Variants in SEC31A observed in about 807,000 individuals in gnomAD.
SEC31A encodes the protein SEC31 homolog A, COPII component.
In SEC31A, 70 loss-of-function variants were observed where a neutral mutation model predicts 151.0. The observed-to-expected ratio is 0.46, with a 90% CI of 0.38 to 0.57. The LOEUF is 0.57. Ranked by LOEUF, SEC31A falls within the 20% of genes least tolerant of loss-of-function variation. The pLI is 0.00. For missense variants in SEC31A, 1,330 were observed against 1,471.2 expected (o/e 0.90, Z 1.57); for synonymous variants, 475 against 505.9 (o/e 0.94, Z 0.82).
intron 22 of SEC31A, among the ~76,000 whole-genome samples, chr4:82,841,742 CG>C (rs2149233479): frequency 6.6e-6 from 1 of 151,728 alleles, no homozygotes; most frequent in East Asian, 1.9e-4. Flanking sequence ...GAGGCCGAAG[CG>C]GGTGGATCAC....
Position 82,846,398 on chromosome 4 carries a change from T to TAATAATA in SEC31A, c.2503-1896_2503-1890dup, listed in dbSNP as rs1730224520. Among the ~76,000 whole-genome samples the TAATAATA allele has an allele frequency of 4.0e-5, 6 of 148,538 alleles. No individual in the cohort carries two copies. In the Admixed American group the frequency reaches 4.0e-4, roughly 10 times the overall value. On this transcript the variant is annotated intron_variant, in intron 20 of 26. Transcript: ENST00000395310. ...ATAATAATAATAATAATAATAATAA[T>TAATAATA]AATAATACAATTGACTCTTGAATAA...
intron 22 of SEC31A, among the ~76,000 whole-genome samples, chr4:82,837,348 T>C (rs897513171): frequency 2.6e-5 from 4 of 151,854 alleles, no homozygotes; most frequent in African/African-American, 7.3e-5. Flanking sequence ...ATTTTTTATA[T>C]GACTTTGAGT....
At chr4:82,845,202 T>A in intron 20 of SEC31A, 1 of 1,520,246 alleles carries the variant, frequency 6.6e-7, no homozygotes, top group Non-Finnish European at 8.8e-7. Context: ...AGGATATACC[T>A]GTGTGTCAGA....
At chr4:82,894,258 T>G (rs911369216), upstream of SEC31A, 1 of 140,378 alleles carries the variant, frequency 7.1e-6, no homozygotes, top group South Asian at 2.2e-4. Flanking sequence ...GAACTACTTA[T>G]CTTGGTAACC....
intron 25 of SEC31A, among the ~76,000 whole-genome samples, chr4:82,822,484 G>A (rs1291885514): frequency 6.6e-6 from 1 of 152,198 alleles, no homozygotes; most frequent in Non-Finnish European, 1.5e-5. Flanking sequence ...GTGTGTTCAA[G>A]GAAGGAATGC....
chr4:82,844,385 C>A lies in SEC31A; in HGVS notation c.2626+1G>T. 1 of 1,613,822 alleles carries A rather than the reference C, an allele frequency of 6.2e-7. No individual in the cohort carries two copies. Among genetic ancestry groups the A allele is most frequent in the Non-Finnish European group, 8.5e-7 (1 of 1,179,884 alleles). ...AAGGACTTTGGGGTCACACTACTTA[C>A]GCTGTGGCTGTGGATAAGGTGGTAC... On this transcript the variant is annotated splice_donor_variant, in intron 21 of 26. Transcript: ENST00000395310. LOFTEE classifies it high-confidence loss of function.
chr4:82,897,892 C>T (rs540366521), intron 3 of SEC31A: 1 of 152,198 alleles, frequency 6.6e-6, no homozygotes, highest in East Asian at 1.9e-4. Context: ...TCATTAAAGC[C>T]TTAATAAATG....
chr4:82,826,176 A>G (rs1371653117), intron 24 of SEC31A, among the ~76,000 whole-genome samples: 12 of 152,210 alleles, frequency 7.9e-5, no homozygotes, highest in Non-Finnish European at 5.9e-5. Context: ...CTAAACAAAG[A>G]TAAGTGGCTG....
rs534980982 is a variant in SEC31A, at chr4:82,871,560, G to C, written c.782+384C>G. 7.6e-6 allele frequency: 5 copies of C among 658,110 alleles called. No homozygotes were observed. In the East Asian group the frequency reaches 1.4e-4, roughly 18 times the overall value. 40.8% of individuals were successfully genotyped at this position (658,110 alleles called of 1,614,324 possible). On this transcript the variant is annotated intron_variant, in intron 7 of 26. Transcript: ENST00000395310. ...GGAGGCAAAGGTGGGCAGATCACTT[G>C]AGGTCAGAAGTTTGAGACCAGCCTG...
At chr4:82,856,924 G>A (rs557064170) in intron 16 of SEC31A, 28 bp downstream of exon 16, 97 of 1,564,394 alleles carry the variant, frequency 6.2e-5, no homozygotes, top group East Asian at 9.0e-5. Context: ...AGATAAATAC[G>A]TTATTGCTTA....
At position 82,891,121 on chromosome 4, in the gene SEC31A, T is replaced by A; in HGVS notation, c.-38A>T. 1 of 1,535,882 alleles carries A rather than the reference T, an allele frequency of 6.5e-7. No individual in the cohort carries two copies. Among genetic ancestry groups the A allele is most frequent in the Non-Finnish European group, 8.7e-7 (1 of 1,146,754 alleles). On this transcript the variant is annotated 5_prime_UTR_variant, in exon 1 of 27. Coordinates refer to ENST00000395310, the MANE Select transcript of SEC31A (RefSeq NM_001077207.4). ...GACCTTCGGCAGCCGGATCCTGCGT[T>A]AGTGCAGCGCTCGTCGGACTCTCCC...
At chr4:82,895,402 A>T (rs554563141), upstream of SEC31A, 4 of 152,368 alleles carry the variant, frequency 2.6e-5, no homozygotes, top group East Asian at 5.8e-4. Flanking sequence ...CCCAGGAGGC[A>T]GAGATTGCAG....
rs768285825 is a variant in SEC31A at position 82,878,697 on chromosome 4, A to T, written c.402+33T>A. On this transcript the variant is annotated intron_variant, in intron 4 of 26. Coordinates refer to ENST00000395310, the MANE Select transcript of SEC31A (RefSeq NM_001077207.4). ...TACTGATTTCAAATGAGCAGCACAT[A>T]GTCTAAGAATTATGAAATGTTAAAG... 2.6e-6 allele frequency: 4 copies of T among 1,552,590 alleles called. No homozygotes were observed. The South Asian group carries it at 3.4e-5, about 13-fold the overall frequency.
intron 23 of SEC31A, among the ~76,000 whole-genome samples, chr4:82,828,423 C>T (rs564210474): frequency 6.6e-6 from 1 of 152,064 alleles, no homozygotes; most frequent in South Asian, 2.1e-4. Context: ...TTAATGCCTC[C>T]TAATTTTATA....
At chr4:82,854,585 T>TA (rs1732208622) in intron 17 of SEC31A, among the ~76,000 whole-genome samples, 1 of 152,032 alleles carries the variant, frequency 6.6e-6, no homozygotes, top group African/African-American at 2.4e-5. Context: ...GAGAGTTACT[T>TA]ATGGTCTATT....
At chr4:82,882,886 G>A (rs1313684793) in intron 1 of SEC31A, among the ~76,000 whole-genome samples, 1 of 152,204 alleles carries the variant, frequency 6.6e-6, no homozygotes, top group Non-Finnish European at 1.5e-5. Flanking sequence ...GGGAGGACGA[G>A]GCAGTTGGAT....
chr4:82,858,620 G>A (rs1279969818), intron 14 of SEC31A, among the ~76,000 whole-genome samples: 1 of 148,708 alleles, frequency 6.7e-6, no homozygotes, highest in Non-Finnish European at 1.5e-5. Context: ...TGGTATCTCA[G>A]TAATGAGGCT....
Position 82,829,052 on chromosome 4 carries a change from T to G in SEC31A, c.2975A>C (p.Gln992Pro), listed in dbSNP as rs1725312861. ...ELPASQRTGP[Q>P]NGWNDPPALN... ...AGCTGGAGGGTCATTCCAACCATTC[T>G]GAGGACCTATAACAGATAACAGAGA... is the stretch of plus-strand genomic sequence containing the variant. The change falls in exon 23 of 27, where the codon CAG becomes CCG. Residue 992 changes from glutamine to proline, a missense_variant. Physicochemically the swap from Gln to Pro is moderately conservative, Grantham distance 76. Coordinates refer to ENST00000395310, the MANE Select transcript of SEC31A (RefSeq NM_001077207.4). 6.2e-7 allele frequency: 1 copy of G among 1,612,440 alleles called. No homozygotes were observed. Among genetic ancestry groups the G allele is most frequent in the Non-Finnish European group, 8.5e-7 (1 of 1,178,632 alleles).
At chr4:82,888,366 A>AG (rs1158678324) in intron 1 of SEC31A, among the ~76,000 whole-genome samples, 2 of 41,816 alleles carry the variant, frequency 4.8e-5, no homozygotes, top group Non-Finnish European at 1.1e-4. Flanking sequence ...AAAAAAAAAA[A>AG]AAAAAAACAC....
Sources: allele counts gnomAD v4.1 joint callset (sites outside exome capture counted in the v4.1 genomes callset), GRCh38; gene constraint gnomAD v4.1.1; transcripts MANE v1.5; gene names NCBI Gene and HGNC (gene_info 2026-07-23, HGNC 2026-07-21).